Variants in RNF180 observed in about 807,000 individuals in gnomAD.
RNF180 encodes E3 ubiquitin-protein ligase RNF180.
Under a neutral mutation model 59.2 loss-of-function variants are expected in RNF180, and 38 were observed. The ratio of observed to expected loss-of-function variants is 0.64; its 90% CI spans 0.50 to 0.84. The LOEUF is 0.84. Ranked by LOEUF, RNF180 falls within the 40% of genes least tolerant of loss-of-function variation. The probability of loss-of-function intolerance (pLI) is 0.00; values close to 1 mark genes in which losing one functional copy is unlikely to be tolerated. For synonymous variants in RNF180, 262 were observed against 240.3 expected (o/e 1.09, Z -0.84); for missense variants, 705 against 700.9 (o/e 1.01, Z -0.07).
At chr5:64,196,123 T>C (rs545760784) in intron 1 of RNF180, among the ~76,000 whole-genome samples, 72 of 152,286 alleles carry the variant, frequency 4.7e-4, no homozygotes, top group African/African-American at 1.7e-3. Flanking sequence ...CCTGTTGTAT[T>C]TCTAACAAGA....
intron 5 of RNF180, among the ~76,000 whole-genome samples, chr5:64,312,854 C>T (rs1743841775): frequency 6.6e-6 from 1 of 152,086 alleles, no homozygotes; most frequent in Non-Finnish European, 1.5e-5. Context: ...CATCTGGGGT[C>T]TTCTAGTAGC....
intron 5 of RNF180, among the ~76,000 whole-genome samples, chr5:64,290,331 G>A (rs867861094): frequency 3.9e-5 from 6 of 152,198 alleles, no homozygotes; most frequent in African/African-American, 1.2e-4. Flanking sequence ...GCCATGTGGC[G>A]ATGAGAATAA....
At chr5:64,256,728 A>G (rs1232700222) in intron 5 of RNF180, among the ~76,000 whole-genome samples, 7 of 152,096 alleles carry the variant, frequency 4.6e-5, no homozygotes, top group Admixed American at 6.5e-5. Context: ...GTTTTTTCCA[A>G]TTCTGTGAAG....
intron 1 of RNF180, among the ~76,000 whole-genome samples, chr5:64,177,533 A>ATATATG (rs1196975543): frequency 6.8e-5 from 2 of 29,546 alleles, no homozygotes; most frequent in African/African-American, 2.3e-4. Context: ...TGCCATATAT[A>ATATATG]TATATATATA....
At chr5:64,253,686 A>G (rs1040392846) in intron 5 of RNF180, among the ~76,000 whole-genome samples, 1 of 152,138 alleles carries the variant, frequency 6.6e-6, no homozygotes, top group African/African-American at 2.4e-5. Context: ...ATGTTGACAT[A>G]AATAATATAG....
chr5:64,217,298 A>G (rs760690493), intron 4 of RNF180, 63 bp from the exon 5 acceptor site: 4 of 1,323,914 alleles, frequency 3.0e-6, no homozygotes, highest in South Asian at 2.5e-5. Flanking sequence ...CAAATTATGA[A>G]TAGAACTTTT....
chr5:64,249,577 G>GACTA (rs2112270256), intron 5 of RNF180, among the ~76,000 whole-genome samples: 1 of 151,374 alleles, frequency 6.6e-6, no homozygotes, highest in East Asian at 1.9e-4. Flanking sequence ...GCCAACAGGA[G>GACTA]ACTAACTTGA....
At chr5:64,350,880 T>C (rs952945705) in intron 7 of RNF180, among the ~76,000 whole-genome samples, 1 of 152,190 alleles carries the variant, frequency 6.6e-6, no homozygotes, top group African/African-American at 2.4e-5. Flanking sequence ...TAGGATTGAC[T>C]TGGCAATGCG....
At chr5:64,326,854 A>G (rs1744669781) in intron 6 of RNF180, among the ~76,000 whole-genome samples, 4 of 152,106 alleles carry the variant, frequency 2.6e-5, no homozygotes, top group South Asian at 2.1e-4. Flanking sequence ...CTCTGCTTCA[A>G]TTTTTTGGAA....
intron 5 of RNF180, among the ~76,000 whole-genome samples, chr5:64,277,722 T>C (rs147741482): frequency 2.5e-4 from 38 of 152,262 alleles, no homozygotes; most frequent in Non-Finnish European, 2.9e-5. Flanking sequence ...GCAAGATGAC[T>C]GACACAAATG....
intron 5 of RNF180, among the ~76,000 whole-genome samples, chr5:64,268,232 A>G (rs1561228679): frequency 6.6e-6 from 1 of 152,110 alleles, no homozygotes; most frequent in East Asian, 1.9e-4. Context: ...TTTGGGTTTT[A>G]CTTTACAATA....
intron 5 of RNF180, among the ~76,000 whole-genome samples, chr5:64,245,144 T>C (rs749845121): frequency 2.0e-5 from 3 of 152,066 alleles, no homozygotes; most frequent in Non-Finnish European, 2.9e-5. Flanking sequence ...CATACCAAAT[T>C]GTAAAGGCCA....
chr5:64,182,858 A>AT (rs1246619651), intron 1 of RNF180, among the ~76,000 whole-genome samples: 2 of 152,312 alleles, frequency 1.3e-5, no homozygotes, highest in African/African-American at 4.8e-5. Context: ...CTGTCAATGT[A>AT]TTGGACCCTG....
chr5:64,222,793 A>G (rs559721868), intron 5 of RNF180, among the ~76,000 whole-genome samples: 2 of 152,344 alleles, frequency 1.3e-5, no homozygotes, highest in Admixed American at 1.3e-4. Context: ...AGCCTTGTAA[A>G]TGAAGACAAA....
At chr5:64,274,370 C>T (rs974381384) in intron 5 of RNF180, among the ~76,000 whole-genome samples, 5 of 151,380 alleles carry the variant, frequency 3.3e-5, no homozygotes, top group Non-Finnish European at 7.4e-5. Context: ...TTATATATTT[C>T]TCGGTTATAT....
At chr5:64,225,636 G>GGCCA (rs1741674279) in intron 5 of RNF180, among the ~76,000 whole-genome samples, 1 of 130,466 alleles carries the variant, frequency 7.7e-6, no homozygotes, top group Non-Finnish European at 1.6e-5. Flanking sequence ...CTGCCCGGCC[G>GGCCA]CCCCGTCTGG....
intron 2 of RNF180, among the ~76,000 whole-genome samples, chr5:64,206,980 C>T: frequency 6.6e-6 from 1 of 152,044 alleles, no homozygotes; most frequent in East Asian, 1.9e-4. Flanking sequence ...TAAGACCACA[C>T]ACGTCCTGTA....
At chr5:64,229,484 A>T (rs934665465) in intron 5 of RNF180, among the ~76,000 whole-genome samples, 10 of 152,202 alleles carry the variant, frequency 6.6e-5, no homozygotes, top group Non-Finnish European at 1.5e-4. Context: ...CAAAAACGTA[A>T]GAGATTTTGT....
intron 5 of RNF180, among the ~76,000 whole-genome samples, chr5:64,278,731 G>A (rs1243613889): frequency 6.6e-6 from 1 of 152,170 alleles, no homozygotes; most frequent in African/African-American, 2.4e-5. Context: ...CTTTGAACAT[G>A]TTATGCCTGC....
Sources: gnomAD v4.1 joint callset for allele counts (sites outside exome capture counted in the v4.1 genomes callset) on GRCh38, gnomAD v4.1.1 for gene constraint, MANE v1.5 for transcripts, NCBI Gene and HGNC (gene_info 2026-07-23, HGNC 2026-07-21) for gene names.